DENND1B: variants seen among roughly 807,000 people sequenced by gnomAD.
The protein encoded by DENND1B is DENN domain containing 1B, also known as DENN domain-containing protein 1B.
A neutral mutation model predicts 90.1 loss-of-function variants in DENND1B; 59 were observed. That is an observed-to-expected ratio of 0.65 (90% CI 0.53 to 0.81). The LOEUF is 0.81. DENND1B is among the 40% of genes least tolerant of loss of function. The pLI is 0.00. For missense variants in DENND1B, 862 were observed against 912.6 expected (o/e 0.94, Z 0.71); for synonymous variants, 337 against 324.6 (o/e 1.04, Z -0.41).
intron 10 of DENND1B, among the ~76,000 whole-genome samples, chr1:197,624,511 G>T (rs952307288): frequency 6.6e-6 from 1 of 151,656 alleles, no homozygotes; most frequent in Non-Finnish European, 1.5e-5. Flanking sequence ...CTAGGGCTTG[G>T]CAATGACTTT....
intron 2 of DENND1B, among the ~76,000 whole-genome samples, chr1:197,760,000 A>T (rs1654819878): frequency 6.6e-6 from 1 of 152,148 alleles, no homozygotes; most frequent in African/African-American, 2.4e-5. Context: ...TTTTAAAATA[A>T]ATTTAAATTA....
At chr1:197,598,701 C>T (rs894901527) in intron 13 of DENND1B, among the ~76,000 whole-genome samples, 6 of 151,820 alleles carry the variant, frequency 4.0e-5, no homozygotes, top group African/African-American at 1.4e-4. Flanking sequence ...GCTATTATCA[C>T]ATAATCCTAT....
At chr1:197,548,412 A>G (rs750848098) in intron 16 of DENND1B, among the ~76,000 whole-genome samples, 21 of 152,178 alleles carry the variant, frequency 1.4e-4, no homozygotes, top group Non-Finnish European at 2.4e-4. Flanking sequence ...CAGCTTCTTC[A>G]TTCATCAAAT....
intron 15 of DENND1B, among the ~76,000 whole-genome samples, chr1:197,572,593 T>C (rs7516153): frequency 0.46 from 70,344 of 152,008 alleles, 16,777 homozygotes; most frequent in East Asian, 0.66. Flanking sequence ...GCTCTGAGAA[T>C]GGACAGACTG....
Position 197,619,176 on chromosome 1 carries a change from A to G in DENND1B, c.673-1417T>C, listed in dbSNP as rs75011222. On this transcript the variant is annotated intron_variant, in intron 10 of 22. Coordinates refer to ENST00000620048, the MANE Select transcript of DENND1B (RefSeq NM_001195215.2). Reference sequence around the variant, plus strand: ...AATAGGTTATGATAGTATTCCTTCAATAAGTATTACTTTTTAAATTCCTTA... The same window carrying G: ...AATAGGTTATGATAGTATTCCTTCAGTAAGTATTACTTTTTAAATTCCTTA... 5.9e-5 allele frequency among the ~76,000 whole-genome samples: 9 copies of G among 151,384 alleles called. No individual in the cohort carries two copies. The East Asian group carries it at 1.6e-3, about 26-fold the overall frequency.
chr1:197,651,163 T>A (rs1482435114), intron 7 of DENND1B, among the ~76,000 whole-genome samples: 1 of 152,068 alleles, frequency 6.6e-6, no homozygotes. Flanking sequence ...TCTTGCGACA[T>A]TATATTTTTT....
chr1:197,668,808 T>C (rs1289057098), intron 5 of DENND1B, among the ~76,000 whole-genome samples: 1 of 152,018 alleles, frequency 6.6e-6, no homozygotes, highest in Non-Finnish European at 1.5e-5. Flanking sequence ...TGAAGAAATA[T>C]GAGATTTTAT....
intron 2 of DENND1B, among the ~76,000 whole-genome samples, chr1:197,728,956 TACTCA>T: frequency 6.6e-6 from 1 of 152,302 alleles, no homozygotes; most frequent in Middle Eastern, 3.4e-3. Context: ...GCAAATTTTC[TACTCA>T]ATCCCAGTGT....
chr1:197,726,160 A>T (rs1431026338), intron 2 of DENND1B, among the ~76,000 whole-genome samples: 1 of 152,170 alleles, frequency 6.6e-6, no homozygotes, highest in Non-Finnish European at 1.5e-5. Context: ...CAAGGGCAAT[A>T]AGGGTCCAAG....
chr1:197,664,489 G>A, intron 5 of DENND1B, among the ~76,000 whole-genome samples: 1 of 152,060 alleles, frequency 6.6e-6, no homozygotes, highest in East Asian at 1.9e-4. Flanking sequence ...AGGCAAAAGA[G>A]AGAGATATAC....
At chr1:197,760,621 A>T (rs1197574015) in intron 2 of DENND1B, among the ~76,000 whole-genome samples, 1 of 151,318 alleles carries the variant, frequency 6.6e-6, no homozygotes, top group Admixed American at 6.6e-5. Context: ...CAGCCTGGGC[A>T]ACAGAGTGAG....
rs1295646405 is a variant in DENND1B at position 197,540,161 on chromosome 1, A to C, written c.1408-90T>G. 8 of 757,476 alleles carry C rather than the reference A, an allele frequency of 1.1e-5. No homozygotes were observed. The East Asian group carries it at 2.0e-4, about 19-fold the overall frequency. The allele number at this position is 757,476 out of a possible 1,614,324, so 46.9% of individuals were successfully genotyped here. On this transcript the variant is annotated intron_variant, in intron 19 of 22. Transcript: ENST00000620048. Reference sequence around the variant, plus strand: ...TTAATAAACAAAGTATCTGATATACATACAAGTAGCAAAATAACACTTCAG... The same window carrying C: ...TTAATAAACAAAGTATCTGATATACCTACAAGTAGCAAAATAACACTTCAG...
chr1:197,648,486 T>C (rs565350377), intron 7 of DENND1B, among the ~76,000 whole-genome samples: 21 of 152,302 alleles, frequency 1.4e-4, no homozygotes, highest in African/African-American at 4.6e-4. Flanking sequence ...GCAAATATGA[T>C]ACTCAAATTT....
intron 2 of DENND1B, among the ~76,000 whole-genome samples, chr1:197,732,722 G>A (rs1662261253): frequency 1.3e-5 from 2 of 152,296 alleles, no homozygotes; most frequent in South Asian, 4.1e-4. Context: ...ACTGACAAGA[G>A]GAGAAGCAAT....
At chr1:197,658,638 T>C (rs1007450737) in intron 5 of DENND1B, among the ~76,000 whole-genome samples, 10 of 151,714 alleles carry the variant, frequency 6.6e-5, no homozygotes, top group African/African-American at 2.2e-4. Context: ...ATTTTCATGG[T>C]ATTCAATAAA....
At chr1:197,603,942 T>A (rs1676433009) in intron 13 of DENND1B, among the ~76,000 whole-genome samples, 3 of 151,292 alleles carry the variant, frequency 2.0e-5, no homozygotes, top group East Asian at 3.9e-4. Context: ...CTCACCCTTA[T>A]AAACATACTA....
rs1018061917 is a variant in DENND1B, at chr1:197,691,686, G to A, written c.127-17517C>T. On this transcript the variant is annotated intron_variant, in intron 3 of 22. Transcript: ENST00000620048. ...GTTCTCTGTAGCATTACTCAGAATA[G>A]CAAAGATGTGGAAACATCCTACATG... is the stretch of plus-strand genomic sequence containing the variant. Among the ~76,000 whole-genome samples, 7 of 152,032 alleles carry A rather than the reference G, an allele frequency of 4.6e-5. No homozygotes were observed. The East Asian group carries it at 1.2e-3, about 25-fold the overall frequency.
chr1:197,539,030 A>G (rs1044967738), intron 20 of DENND1B, among the ~76,000 whole-genome samples: 1 of 152,078 alleles, frequency 6.6e-6, no homozygotes, highest in Non-Finnish European at 1.5e-5. Context: ...TTCTTTACAA[A>G]TTACCCAGCC....
chr1:197,528,384 T>A (rs549104758), intron 20 of DENND1B, among the ~76,000 whole-genome samples: 3 of 152,290 alleles, frequency 2.0e-5, no homozygotes, highest in Non-Finnish European at 4.4e-5. Flanking sequence ...TATAAAAGTA[T>A]GTTACTCATC....
Sources: gnomAD v4.1 joint callset for allele counts (sites outside exome capture counted in the v4.1 genomes callset) on GRCh38, gnomAD v4.1.1 for gene constraint, MANE v1.5 for transcripts, NCBI Gene and HGNC (gene_info 2026-07-23, HGNC 2026-07-21) for gene names.